Variants in RGS9 observed in about 807,000 individuals in gnomAD.
RGS9 encodes the protein regulator of G-protein signalling 9.
In RGS9, 78 loss-of-function variants were observed where a neutral mutation model predicts 102.0. The observed-to-expected ratio is 0.76, with a 90% CI of 0.64 to 0.92. The LOEUF is 0.92. RGS9 is among the 40% of genes least tolerant of loss of function. The pLI is 0.00. For synonymous variants in RGS9, 353 were observed against 318.6 expected (o/e 1.11, Z -1.15); for missense variants, 833 against 866.1 (o/e 0.96, Z 0.48).
chr17:65,185,977 G>A (rs1191290830), intron 9 of RGS9, among the ~76,000 whole-genome samples: 4 of 152,122 alleles, frequency 2.6e-5, no homozygotes, highest in East Asian at 3.9e-4. Context: ...TGTTCTGGCC[G>A]CAGAACAGTG....
intron 13 of RGS9, among the ~76,000 whole-genome samples, chr17:65,199,521 TCTCA>T (rs1912736867): frequency 3.5e-5 from 5 of 141,194 alleles, no homozygotes; most frequent in Non-Finnish European, 6.0e-5. Context: ...TTTGACAAAT[TCTCA>T]CTCTGTCGCC....
chr17:65,208,465 T>C (rs1913156261), intron 16 of RGS9, among the ~76,000 whole-genome samples: 1 of 152,190 alleles, frequency 6.6e-6, no homozygotes, highest in African/African-American at 2.4e-5. Context: ...CTAGGTATTC[T>C]TGCTGCCTCC....
chr17:65,215,445 T>C (rs1354150904), intron 17 of RGS9, among the ~76,000 whole-genome samples: 4 of 152,180 alleles, frequency 2.6e-5, no homozygotes, highest in Non-Finnish European at 5.9e-5. Flanking sequence ...TAATCAACAT[T>C]TACGGAGTTT....
intron 12 of RGS9, among the ~76,000 whole-genome samples, chr17:65,194,499 T>A (rs770497587): frequency 1.1e-4 from 17 of 152,238 alleles, no homozygotes; most frequent in Non-Finnish European, 2.1e-4. Context: ...TGTATGGCTT[T>A]GCATGTTTGA....
chr17:65,207,614 T>G (rs1310255648), intron 15 of RGS9, among the ~76,000 whole-genome samples: 1 of 152,312 alleles, frequency 6.6e-6, no homozygotes, highest in Non-Finnish European at 1.5e-5. Flanking sequence ...ACAATGTTGA[T>G]AGGATCTGAA....
intron 1 of RGS9, among the ~76,000 whole-genome samples, chr17:65,138,972 A>T (rs1333247802): frequency 1.4e-5 from 1 of 69,606 alleles, no homozygotes; most frequent in Non-Finnish European, 2.5e-5. Context: ...CCCCTCCTCC[A>T]CCCCAGCATC....
In RGS9 at chr17:65,171,073, T is replaced by A. The variant is rs116729820; in HGVS notation, c.582+2792T>A. On this transcript the variant is annotated intron_variant, in intron 8 of 18. Transcript: ENST00000262406. ...AAGCCAGCCAAGGCAAACAAAGCAC[T>A]TGGCGCCGTGGAGTGTCGCGGCCAC... is the stretch of plus-strand genomic sequence containing the variant. Among the ~76,000 whole-genome samples, 814 of 152,252 alleles carry A rather than the reference T, an allele frequency of 5.3e-3. 10 individuals carry two copies. The highest frequency in any genetic ancestry group is 0.019 in the African/African-American group (779 of 41,540).
At chr17:65,175,772 C>G (rs560301027) in intron 8 of RGS9, among the ~76,000 whole-genome samples, 5 of 152,294 alleles carry the variant, frequency 3.3e-5, no homozygotes, top group African/African-American at 1.2e-4. Flanking sequence ...CACATATTTG[C>G]CTCCATGGTA....
intron 5 of RGS9, 90 bp from the exon 6 acceptor site, chr17:65,160,761 G>T (rs541098804): frequency 1.5e-5 from 22 of 1,464,502 alleles, no homozygotes; most frequent in African/African-American, 4.2e-5. Flanking sequence ...TTCTCTCCCC[G>T]ACTCTGAGCA....
intron 7 of RGS9, among the ~76,000 whole-genome samples, chr17:65,164,440 G>T (rs538154442): frequency 6.6e-6 from 1 of 152,276 alleles, no homozygotes; most frequent in African/African-American, 2.4e-5. Context: ...GGGAACATCT[G>T]GTGACCCGCA....
At chr17:65,205,119 T>A (rs905004855) in intron 15 of RGS9, among the ~76,000 whole-genome samples, 4 of 152,116 alleles carry the variant, frequency 2.6e-5, no homozygotes, top group Admixed American at 2.6e-4. Context: ...TAAAAAAAAA[T>A]ATGTGAAGGG....
At chr17:65,211,630 G>A (rs1412175689) in intron 17 of RGS9, among the ~76,000 whole-genome samples, 1 of 152,110 alleles carries the variant, frequency 6.6e-6, no homozygotes, top group Non-Finnish European at 1.5e-5. Context: ...GGGTTTAGAA[G>A]GTCATTCTCG....
At chr17:65,163,987 G>A (rs1022665721) in intron 7 of RGS9, among the ~76,000 whole-genome samples, 3 of 152,174 alleles carry the variant, frequency 2.0e-5, no homozygotes, top group Non-Finnish European at 4.4e-5. Context: ...ACCACGCCTC[G>A]TTCACTTGCA....
intron 1 of RGS9, among the ~76,000 whole-genome samples, chr17:65,147,723 T>G (rs927700084): frequency 7.3e-5 from 11 of 150,828 alleles, no homozygotes; most frequent in Admixed American, 6.6e-5. Context: ...CCTGAGTAGC[T>G]GGGATTACAA....
At chr17:65,205,110 A>T (rs185558396) in intron 15 of RGS9, among the ~76,000 whole-genome samples, 43 of 151,682 alleles carry the variant, frequency 2.8e-4, no homozygotes, top group African/African-American at 9.7e-4. Context: ...GTGGGAATTT[A>T]AAAAAAAATA....
chr17:65,197,257 C>A lies in RGS9; in HGVS notation c.976+16C>A, dbSNP rs760963152. The A allele has an allele frequency of 1.6e-5, 24 of 1,493,640 alleles. No individual in the cohort carries two copies. The highest frequency in any genetic ancestry group is 2.2e-5 in the Non-Finnish European group (24 of 1,077,612). 92.5% of individuals were successfully genotyped at this position (1,493,640 alleles called of 1,614,324 possible). On this transcript the variant is annotated intron_variant, in intron 13 of 18. Transcript: ENST00000262406. ...GAATTCAGTGGTGGGTCTTTGTTTA[C>A]AAAAAAAAATTAAAATAACTTACTT...
chr17:65,172,082 A>T (rs1275197251), intron 8 of RGS9, among the ~76,000 whole-genome samples: 1 of 152,246 alleles, frequency 6.6e-6, no homozygotes, highest in Non-Finnish European at 1.5e-5. Context: ...ATGTCCAACA[A>T]TGGAAAATGG....
chr17:65,157,917 GTA>G (rs970396407), intron 2 of RGS9, among the ~76,000 whole-genome samples: 6 of 151,696 alleles, frequency 4.0e-5, no homozygotes, highest in African/African-American at 1.5e-4. Flanking sequence ...TTGTGTGTGT[GTA>G]TGTGTGTGTG....
Position 65,188,172 on chromosome 17 carries a change from G to A in RGS9, c.655-1114G>A, listed in dbSNP as rs549700277. Among the ~76,000 whole-genome samples, 215 of 152,102 alleles carry A rather than the reference G, an allele frequency of 1.4e-3. 3 individuals are homozygous for A. The South Asian group carries it at 0.042, about 30-fold the overall frequency. ...AGAAAAGTGGTGCAGAGGAAGCACG[G>A]CCCACTGCAATTGCAGATCTATGTA... On this transcript the variant is annotated intron_variant, in intron 9 of 18. Coordinates refer to ENST00000262406, the MANE Select transcript of RGS9 (RefSeq NM_003835.4).
Sources: gnomAD v4.1 joint callset for allele counts (sites outside exome capture counted in the v4.1 genomes callset) on GRCh38, gnomAD v4.1.1 for gene constraint, MANE v1.5 for transcripts, NCBI Gene and HGNC (gene_info 2026-07-23, HGNC 2026-07-21) for gene names.